The following GALNT18 variants were observed in gnomAD, a reference collection of about 807,000 sequenced individuals.
The protein encoded by GALNT18 is polypeptide N-acetylgalactosaminyltransferase 18, also known as GalNAc-transferase 18.
In GALNT18, 44 loss-of-function variants were observed where a neutral mutation model predicts 69.5. The ratio of observed to expected loss-of-function variants is 0.63; its 90% confidence interval spans 0.50 to 0.81. The LOEUF (loss-of-function observed/expected upper bound fraction) is 0.81. Ranked by LOEUF, GALNT18 falls within the 40% of genes least tolerant of loss-of-function variation. The pLI, the probability that GALNT18 is intolerant of heterozygous loss-of-function variation, is 0.00. For synonymous variants in GALNT18, 364 were observed against 318.2 expected, an observed-to-expected ratio of 1.14 and a Z score of -1.53; for missense variants, 715 against 810.0, an observed-to-expected ratio of 0.88 and a Z score of 1.42.
intron 1 of GALNT18, among the ~76,000 whole-genome samples, chr11:11,471,525 T>A (rs1202432518): frequency 6.6e-6 from 1 of 152,154 alleles, no homozygotes; most frequent in African/African-American, 2.4e-5. Context: ...TTGCTGTGAT[T>A]CCCCAGGTCT....
chr11:11,446,964 G>A (rs1454430980), intron 2 of GALNT18, among the ~76,000 whole-genome samples: 1 of 152,124 alleles, frequency 6.6e-6, no homozygotes, highest in East Asian at 1.9e-4. Flanking sequence ...ATTGGTCTGG[G>A]GTGTGGCCTT....
chr11:11,286,703 G>A (rs1318066159), intron 10 of GALNT18, among the ~76,000 whole-genome samples: 8 of 152,116 alleles, frequency 5.3e-5, no homozygotes, highest in Admixed American at 5.2e-4. Flanking sequence ...ATTAGGTGCT[G>A]GAGATACTGA....
chr11:11,418,033 C>T (rs1854905503), intron 3 of GALNT18, among the ~76,000 whole-genome samples: 2 of 152,214 alleles, frequency 1.3e-5, no homozygotes, highest in Admixed American at 1.3e-4. Context: ...GCGAGGAAGA[C>T]ATGTATTCTG....
chr11:11,392,437 C>T (rs550655213), intron 3 of GALNT18, among the ~76,000 whole-genome samples: 16 of 152,228 alleles, frequency 1.1e-4, no homozygotes, highest in South Asian at 1.0e-3. Flanking sequence ...CTAACCAACA[C>T]GGAGAAACCC....
intron 3 of GALNT18, among the ~76,000 whole-genome samples, chr11:11,425,754 G>GAA (rs1237680544): frequency 1.3e-5 from 2 of 152,146 alleles, no homozygotes; most frequent in African/African-American, 4.8e-5. Flanking sequence ...GAATACCTGT[G>GAA]TCACATGAAC....
chr11:11,593,143 G>A (rs1403512995), intron 1 of GALNT18, among the ~76,000 whole-genome samples: 1 of 152,140 alleles, frequency 6.6e-6, no homozygotes, highest in Non-Finnish European at 1.5e-5. Context: ...TCGATATCCT[G>A]ACCTCGTGAT....
rs772455044 is a variant in GALNT18, at chr11:11,555,017, G to A, written c.235+66342C>T. On this transcript the variant is annotated intron_variant, in intron 1 of 10. Transcript: ENST00000227756. This position sits in a 1 kb window ranked among gnomAD's most constrained non-coding sequence, Gnocchi z 4.7. ...CTTGCAGGCACCTTCCTTGCACTTT[G>A]AGATTGTGGTCTCACTAAATCTTAC... is the stretch of plus-strand genomic sequence containing the variant. 2.2e-4 allele frequency among the ~76,000 whole-genome samples: 34 copies of A among 152,222 alleles called. No homozygotes were observed. The highest frequency in any genetic ancestry group is 4.4e-4 in the Non-Finnish European group (30 of 68,030).
In GALNT18 at chr11:11,432,970, T is replaced by A. The variant is rs1855309498; in HGVS notation, c.429-183A>T. Among the ~76,000 whole-genome samples the A allele has an allele frequency of 6.6e-6, 1 of 152,164 alleles. No homozygotes were observed. The highest frequency in any genetic ancestry group is 1.5e-5 in the Non-Finnish European group (1 of 68,030). On this transcript the variant is annotated intron_variant, in intron 2 of 10. Coordinates refer to ENST00000227756, the MANE Select transcript of GALNT18 (RefSeq NM_198516.3). The surrounding 1 kb of genome is among the most constrained non-coding windows in gnomAD (Gnocchi z 5.8). ...GTCCAGCAGAAAGGCCCACAAGCAT[T>A]GAAACCAGTTCACCCCACACCTGAG...
In GALNT18 at chr11:11,470,378, A is replaced by G. The variant is rs1412429208; in HGVS notation, c.236-21442T>C. On this transcript the variant is annotated intron_variant, in intron 1 of 10. Transcript: ENST00000227756. The surrounding 1 kb of genome is among the most constrained non-coding windows in gnomAD (Gnocchi z 4.8). Reference sequence around the variant, plus strand: ...CCTACATTCATATCTTGATCTATGGATGGGAATTTCCATCTTAGAAGACAA... The same window carrying G: ...CCTACATTCATATCTTGATCTATGGGTGGGAATTTCCATCTTAGAAGACAA... Among the ~76,000 whole-genome samples, 5 of 152,146 alleles carry G rather than the reference A, an allele frequency of 3.3e-5. No individual in the cohort carries two copies. The highest frequency in any genetic ancestry group is 1.2e-4 in the African/African-American group (5 of 41,418).
intron 3 of GALNT18, among the ~76,000 whole-genome samples, chr11:11,379,985 T>C (rs762316334): frequency 6.6e-6 from 1 of 152,242 alleles, no homozygotes; most frequent in South Asian, 2.1e-4. Context: ...ACCTTTTTCA[T>C]AGCAGCTAAG....
At chr11:11,414,580 C>A (rs1441473179) in intron 3 of GALNT18, among the ~76,000 whole-genome samples, 1 of 152,178 alleles carries the variant, frequency 6.6e-6, no homozygotes, top group Non-Finnish European at 1.5e-5. Context: ...GAAGCATGCT[C>A]CCCACCCCAC....
chr11:11,388,913 T>C (rs1854115743), intron 3 of GALNT18, among the ~76,000 whole-genome samples: 1 of 152,242 alleles, frequency 6.6e-6, no homozygotes, highest in African/African-American at 2.4e-5. Flanking sequence ...GTTCTAATCC[T>C]GCTTCATTTA....
rs538983495 is a variant in GALNT18, at chr11:11,567,044, T to C, written c.235+54315A>G. Among the ~76,000 whole-genome samples the C allele has an allele frequency of 4.6e-5, 7 of 152,290 alleles. No individual in the cohort carries two copies. In the South Asian group the frequency reaches 1.5e-3, roughly 32 times the overall value. ...AACAGCCTGGAGGACAGCTTCCTTTTGACATTCGGGCCTCAGAAGCTATGG... is the reference window on the plus strand; with the variant it reads ...AACAGCCTGGAGGACAGCTTCCTTTCGACATTCGGGCCTCAGAAGCTATGG... On this transcript the variant is annotated intron_variant, in intron 1 of 10. Coordinates refer to ENST00000227756, the MANE Select transcript of GALNT18 (RefSeq NM_198516.3).
rs944561501 is a variant in GALNT18, at chr11:11,586,695, C to T, written c.235+34664G>A. Among the ~76,000 whole-genome samples, 1 of 152,118 alleles carries T rather than the reference C, an allele frequency of 6.6e-6. No homozygotes were observed. The highest frequency in any genetic ancestry group is 2.4e-5 in the African/African-American group (1 of 41,416). ...CAGTTCTTAAAATACTGAAATAGGC[C>T]GGGCTTGGTAGCTCATGCCTGTAAT... On this transcript the variant is annotated intron_variant, in intron 1 of 10. Transcript: ENST00000227756. This position sits in a 1 kb window ranked among gnomAD's most constrained non-coding sequence, Gnocchi z 4.1.
intron 1 of GALNT18, among the ~76,000 whole-genome samples, chr11:11,566,641 T>C (rs796592801): frequency 9.2e-5 from 14 of 152,286 alleles, no homozygotes; most frequent in African/African-American, 2.9e-4. Context: ...AAGAGAAATA[T>C]GGCAAAATGT....
Position 11,396,783 on chromosome 11 carries a change from C to T in GALNT18, c.596-17519G>A, listed in dbSNP as rs1393398139. Among the ~76,000 whole-genome samples, 1 of 152,092 alleles carries T rather than the reference C, an allele frequency of 6.6e-6. No homozygotes were observed. Among genetic ancestry groups the T allele is most frequent in the African/African-American group, 2.4e-5 (1 of 41,398 alleles). On this transcript the variant is annotated intron_variant, in intron 3 of 10. Transcript: ENST00000227756. This position sits in a 1 kb window ranked among gnomAD's most constrained non-coding sequence, Gnocchi z 5.2. ...CTGACCAGATGGAGGGAGAGAGAGG[C>T]TGTATTTCTGGCCCGCACTGCAGCA...
At chr11:11,484,313 CCAGG>C (rs1196221975) in intron 1 of GALNT18, among the ~76,000 whole-genome samples, 1 of 151,878 alleles carries the variant, frequency 6.6e-6, no homozygotes, top group Non-Finnish European at 1.5e-5. Flanking sequence ...CCAGGTGAGG[CCAGG>C]CATGGTGGCT....
At chr11:11,358,551 GGGAACAGAT>G (rs2133076883) in intron 6 of GALNT18, among the ~76,000 whole-genome samples, 1 of 140,166 alleles carries the variant, frequency 7.1e-6, no homozygotes, top group East Asian at 1.9e-4. Context: ...ACAATTCTAA[GGGAACAGAT>G]GGACAATGAC....
In GALNT18 at chr11:11,383,150, C is replaced by T. The variant is rs1853962510; in HGVS notation, c.596-3886G>A. ...GGAGGTCACAGGCCACTCTCCACAT[C>T]CCCACGGGGAGCCTCCTCTCCGGGC... On this transcript the variant is annotated intron_variant, in intron 3 of 10. Coordinates refer to ENST00000227756, the MANE Select transcript of GALNT18 (RefSeq NM_198516.3). This position sits in a 1 kb window ranked among gnomAD's most constrained non-coding sequence, Gnocchi z 5.2. Among the ~76,000 whole-genome samples the T allele has an allele frequency of 6.6e-6, 1 of 152,168 alleles. No individual in the cohort carries two copies. Among genetic ancestry groups the T allele is most frequent in the South Asian group, 2.1e-4 (1 of 4,826 alleles).
Sources: gnomAD v4.1 joint callset for allele counts (sites outside exome capture counted in the v4.1 genomes callset) on GRCh38, gnomAD v4.1.1 for gene constraint, Gnocchi (gnomAD v3.1) non-coding constraint, MANE v1.5 for transcripts, NCBI Gene and HGNC (gene_info 2026-07-23, HGNC 2026-07-21) for gene names.